Variants in SLC25A21 observed in about 807,000 individuals in gnomAD.
The protein encoded by SLC25A21 is mitochondrial 2-oxodicarboxylate carrier.
SLC25A21 carries 47 observed loss-of-function variants against 43.8 expected under a neutral mutation model. The ratio of observed to expected loss-of-function variants is 1.07; its 90% CI spans 0.85 to 1.37. SLC25A21 has a LOEUF of 1.37. SLC25A21 is among the 40% of genes most tolerant of loss of function. The probability of loss-of-function intolerance (pLI) is 0.00; values close to 1 mark genes in which losing one functional copy is unlikely to be tolerated. For synonymous variants in SLC25A21, 131 were observed against 121.3 expected (o/e 1.08, Z -0.52); for missense variants, 352 against 350.2 (o/e 1.00, Z -0.04).
At chr14:36,704,592 G>A (rs1021440586) in intron 7 of SLC25A21, among the ~76,000 whole-genome samples, 1 of 151,142 alleles carries the variant, frequency 6.6e-6, no homozygotes, top group African/African-American at 2.4e-5. Flanking sequence ...GGGAGGCGGA[G>A]GTTGCAGTGA....
chr14:36,883,146 A>G (rs1490677109), intron 1 of SLC25A21, among the ~76,000 whole-genome samples: 2 of 152,118 alleles, frequency 1.3e-5, no homozygotes, highest in East Asian at 3.9e-4. Flanking sequence ...CTTCTGGTCA[A>G]CAATGGCTCC....
intron 6 of SLC25A21, chr14:36,725,081 A>T (rs1487696779): frequency 6.6e-6 from 1 of 152,198 alleles, no homozygotes; most frequent in Non-Finnish European, 1.5e-5. Flanking sequence ...CTTGCAGGAG[A>T]TACTTGATTT....
intron 1 of SLC25A21, among the ~76,000 whole-genome samples, chr14:37,151,894 G>A (rs1279407945): frequency 1.3e-5 from 2 of 152,102 alleles, no homozygotes; most frequent in Non-Finnish European, 2.9e-5. Context: ...TATTAGCTGG[G>A]CAGGGTGGCA....
intron 3 of SLC25A21, among the ~76,000 whole-genome samples, chr14:36,764,075 A>G (rs371112692): frequency 1.7e-4 from 5 of 28,676 alleles, no homozygotes; most frequent in African/African-American, 2.8e-4. Flanking sequence ...AAAGAAAGAA[A>G]GAAAGAAGGA....
chr14:36,702,493 A>AAAG (rs1555320691), intron 7 of SLC25A21, among the ~76,000 whole-genome samples: 1 of 150,176 alleles, frequency 6.7e-6, no homozygotes, highest in Non-Finnish European at 1.5e-5. Flanking sequence ...AAAAAAAAAA[A>AAAG]AAAGAAAGAA....
chr14:37,061,762 T>C (rs1419965147), intron 1 of SLC25A21, among the ~76,000 whole-genome samples: 2 of 152,222 alleles, frequency 1.3e-5, no homozygotes, highest in East Asian at 1.9e-4. Context: ...GCCCATGTTA[T>C]TGCATTATTA....
chr14:36,711,166 G>GAT, intron 7 of SLC25A21, 152 bp downstream of exon 7: 1 of 680,530 alleles, frequency 1.5e-6, no homozygotes, highest in Non-Finnish European at 2.4e-6. Flanking sequence ...TTGAAGCAGG[G>GAT]ATAACAGCAC....
intron 1 of SLC25A21, among the ~76,000 whole-genome samples, chr14:36,984,566 A>G (rs965714179): frequency 4.6e-5 from 7 of 151,916 alleles, no homozygotes; most frequent in Non-Finnish European, 1.0e-4. Flanking sequence ...AATATTTTAT[A>G]TTTGTAAATC....
intron 3 of SLC25A21, among the ~76,000 whole-genome samples, chr14:36,739,825 G>A (rs1394895615): frequency 2.6e-5 from 4 of 152,132 alleles, no homozygotes; most frequent in South Asian, 2.1e-4. Flanking sequence ...TTAGAGAGGT[G>A]AGTCCTCCTC....
chr14:36,914,509 A>G (rs938680099), intron 1 of SLC25A21, among the ~76,000 whole-genome samples: 1 of 152,208 alleles, frequency 6.6e-6, no homozygotes, highest in Non-Finnish European at 1.5e-5. Flanking sequence ...CCATAGGGTA[A>G]TAAATTTTTT....
chr14:36,834,403 G>T (rs1218982900), intron 2 of SLC25A21, among the ~76,000 whole-genome samples: 1 of 152,182 alleles, frequency 6.6e-6, no homozygotes, highest in Non-Finnish European at 1.5e-5. Flanking sequence ...CCTACCTACT[G>T]CATGAACTTG....
chr14:36,957,216 G>C (rs1959364172), intron 1 of SLC25A21, among the ~76,000 whole-genome samples: 3 of 152,072 alleles, frequency 2.0e-5, no homozygotes, highest in Non-Finnish European at 2.9e-5. Context: ...CTCATTCCTG[G>C]GCCTGGTGCA....
chr14:37,113,470 A>G lies in SLC25A21; in HGVS notation c.70+58811T>C, dbSNP rs151160456. 6.3e-3 allele frequency among the ~76,000 whole-genome samples: 959 copies of G among 152,328 alleles called. 9 individuals are homozygous for G. Among genetic ancestry groups the G allele is most frequent in the African/African-American group, 0.02 (823 of 41,576 alleles). On this transcript the variant is annotated intron_variant, in intron 1 of 9. Coordinates refer to ENST00000331299, the MANE Select transcript of SLC25A21 (RefSeq NM_030631.4). Reference sequence around the variant, plus strand: ...TCGTGGGAGTAGATACTAAACAATTATATCATTGAGAATGCTTTCTTTCCC... The same window carrying G: ...TCGTGGGAGTAGATACTAAACAATTGTATCATTGAGAATGCTTTCTTTCCC...
chr14:36,824,852 G>A (rs994157237), intron 2 of SLC25A21, among the ~76,000 whole-genome samples: 4 of 146,144 alleles, frequency 2.7e-5, no homozygotes, highest in Admixed American at 1.4e-4. Context: ...TGGGGAGAGA[G>A]AGCCAGCCTT....
chr14:37,097,725 A>T (rs1000298916), intron 1 of SLC25A21: 2 of 152,060 alleles, frequency 1.3e-5, no homozygotes, highest in Non-Finnish European at 2.9e-5. Context: ...TCTACTAAAA[A>T]TACAAAAAAT....
intron 1 of SLC25A21, among the ~76,000 whole-genome samples, chr14:36,929,881 C>G (rs1317129212): frequency 6.6e-6 from 1 of 152,108 alleles, no homozygotes; most frequent in African/African-American, 2.4e-5. Flanking sequence ...TAGAAAATGA[C>G]ACCATATTAC....
At chr14:37,022,969 T>A (rs1566822392) in intron 1 of SLC25A21, among the ~76,000 whole-genome samples, 1 of 152,030 alleles carries the variant, frequency 6.6e-6, no homozygotes, top group Non-Finnish European at 1.5e-5. Context: ...AGAAAACTCT[T>A]GATGCAGACA....
chr14:36,948,084 C>A (rs1001139143), intron 1 of SLC25A21, among the ~76,000 whole-genome samples: 2 of 152,138 alleles, frequency 1.3e-5, no homozygotes, highest in African/African-American at 4.8e-5. Context: ...GAAGCGTGCA[C>A]ACATCAGTTT....
chr14:36,975,921 T>A (rs1243819584), intron 1 of SLC25A21, among the ~76,000 whole-genome samples: 3 of 152,160 alleles, frequency 2.0e-5, no homozygotes, highest in Non-Finnish European at 2.9e-5. Flanking sequence ...AGAGAAAACA[T>A]CTGTAAGCAG....
Sources: allele counts gnomAD v4.1 joint callset (sites outside exome capture counted in the v4.1 genomes callset), GRCh38; gene constraint gnomAD v4.1.1; transcripts MANE v1.5; gene names NCBI Gene and HGNC (gene_info 2026-07-23, HGNC 2026-07-21).